Variants in LRRC8B observed in about 807,000 individuals in gnomAD.
LRRC8B encodes volume-regulated anion channel subunit LRRC8B.
A neutral mutation model predicts 58.8 loss-of-function variants in LRRC8B; 23 were observed. The observed-to-expected ratio is 0.39, with a 90% CI of 0.28 to 0.55. The LOEUF (loss-of-function observed/expected upper bound fraction) is 0.55. LRRC8B is among the 20% of genes least tolerant of loss of function. LRRC8B has a pLI of 0.62. For missense variants in LRRC8B, 694 were observed against 936.0 expected, an observed-to-expected ratio of 0.74 and a Z score of 3.37; for synonymous variants, 359 against 374.1, an observed-to-expected ratio of 0.96 and a Z score of 0.47.
chr1:89,564,592 C>T (rs1329107254), intron 1 of LRRC8B, among the ~76,000 whole-genome samples: 1 of 152,124 alleles, frequency 6.6e-6, no homozygotes, highest in Admixed American at 6.6e-5. Context: ...TTATCCTTCC[C>T]CTAACTCTAT....
rs201504233 is a variant in LRRC8B, at chr1:89,592,846, A to G, written c.2215A>G (p.Asn739Asp). ...CLLLGKNSLM[N>D]LSPHVGELSN... ...ACTTTTGGGGAAAAATAGCTTGATG[A>G]ATTTGTCCCCTCATGTGGGTGAGCT... Residue 739 changes from asparagine to aspartate, a missense_variant, in exon 6 of 6, where the codon AAT becomes GAT. Physicochemically the swap from Asn to Asp is conservative, Grantham distance 23. Coordinates refer to ENST00000330947, the MANE Select transcript of LRRC8B (RefSeq NM_001369817.2). 9.9e-6 allele frequency: 16 copies of G among 1,614,074 alleles called. No individual in the cohort carries two copies. The highest frequency in any genetic ancestry group is 1.7e-4 in the Middle Eastern group (1 of 6,058).
rs1317316569 is a variant in LRRC8B, at chr1:89,584,420, A to C, written c.1770A>C (p.Leu590=). The change falls in exon 5 of 6, where the codon CTA becomes CTC. Residue 590 remains leucine, a synonymous_variant. Transcript: ENST00000330947. The part of the protein sequence containing the change: ...NLKKMVNLKS[L]ELISCDLERI... Reference sequence around the variant, plus strand: ...AAAAGATGGTCAATCTGAAAAGCCTAGAACTGATCAGCTGTGACCTGGAAC... The same window carrying C: ...AAAAGATGGTCAATCTGAAAAGCCTCGAACTGATCAGCTGTGACCTGGAAC... 1 of 1,614,098 alleles carries C rather than the reference A, an allele frequency of 6.2e-7. No homozygotes were observed. Among genetic ancestry groups the C allele is most frequent in the African/African-American group, 1.3e-5 (1 of 74,934 alleles).
chr1:89,526,295 A>C (rs1034732577), intron 1 of LRRC8B, among the ~76,000 whole-genome samples: 1 of 151,812 alleles, frequency 6.6e-6, no homozygotes, highest in African/African-American at 2.4e-5. Context: ...GCTCACTGCA[A>C]CCTCCACCTC....
chr1:89,582,487 T>G, intron 4 of LRRC8B, 138 bp from the exon 5 acceptor site: 1 of 607,738 alleles, frequency 1.6e-6, no homozygotes, highest in South Asian at 2.0e-5. Flanking sequence ...TATGTGCCCC[T>G]TAATCAGCTC....
intron 3 of LRRC8B, among the ~76,000 whole-genome samples, chr1:89,579,017 T>C (rs558202095): frequency 2.6e-5 from 4 of 152,318 alleles, no homozygotes; most frequent in East Asian, 1.9e-4. Context: ...TATTAACTTA[T>C]CACTTTTTCT....
intron 3 of LRRC8B, among the ~76,000 whole-genome samples, chr1:89,578,080 G>C (rs1653977088): frequency 6.6e-6 from 1 of 152,082 alleles, no homozygotes; most frequent in Admixed American, 6.5e-5. Flanking sequence ...TAATTTCTAT[G>C]CATATAAACA....
Position 89,583,437 on chromosome 1 carries a change from A to T in LRRC8B, c.787A>T (p.Ile263Leu). 6.2e-7 allele frequency: 1 copy of T among 1,614,170 alleles called. No homozygotes were observed. The highest frequency in any genetic ancestry group is 2.2e-5 in the East Asian group (1 of 44,888). The change falls in exon 5 of 6, where the codon ATA (isoleucine) becomes TTA (leucine). Residue 263 changes from isoleucine (I) to leucine (L), a missense_variant. Around this residue, in one of 5 missense-constraint regions of LRRC8B, gnomAD observed 316 missense variants for 403.8 expected, o/e 0.78. Coordinates refer to ENST00000330947, the MANE Select transcript of LRRC8B (RefSeq NM_001369817.2). This position sits in a 1 kb window ranked among gnomAD's most constrained non-coding sequence, Gnocchi z 5.2. ...TTATAGAGTATATCTGAAACAGATA[A>T]TAGTCAAAGTCATTTTGTTTGTGCT... ...IIYRVYLKQIIVKVILFVLII... is the reference protein window; with the variant it reads ...IIYRVYLKQILVKVILFVLII...
intron 4 of LRRC8B, among the ~76,000 whole-genome samples, chr1:89,581,401 G>A (rs1013164769): frequency 6.6e-6 from 1 of 151,470 alleles, no homozygotes; most frequent in African/African-American, 2.4e-5. Context: ...AGAAACCCTT[G>A]AAAATAGATT....
chr1:89,577,578 C>A (rs534833336), intron 3 of LRRC8B, among the ~76,000 whole-genome samples: 6 of 152,082 alleles, frequency 3.9e-5, no homozygotes, highest in Non-Finnish European at 5.9e-5. Context: ...TATTAAATGG[C>A]ATAATGACAA....
chr1:89,541,628 G>A (rs1269361089), intron 1 of LRRC8B, among the ~76,000 whole-genome samples: 1 of 143,404 alleles, frequency 7.0e-6, no homozygotes, highest in African/African-American at 2.6e-5. Context: ...GGAGAATGGC[G>A]TGAACCCGGG....
chr1:89,572,444 G>T (rs1233206572), intron 3 of LRRC8B: 1 of 152,162 alleles, frequency 6.6e-6, no homozygotes, highest in African/African-American at 2.4e-5. Flanking sequence ...ATGTTTTCCA[G>T]GTTGGTTCCA....
Position 89,526,357 on chromosome 1 carries a change from G to A in LRRC8B, c.-241+1335G>A, listed in dbSNP as rs936223048. On this transcript the variant is annotated intron_variant, in intron 1 of 5. Coordinates refer to ENST00000330947, the MANE Select transcript of LRRC8B (RefSeq NM_001369817.2). ...AGCCTCCCGAGTAGCGGGGACTACAGGGGCCCGCCACCACGCCCAGCTAAT... is the reference window on the plus strand; with the variant it reads ...AGCCTCCCGAGTAGCGGGGACTACAAGGGCCCGCCACCACGCCCAGCTAAT... Among the ~76,000 whole-genome samples the A allele has an allele frequency of 2.0e-5, 3 of 152,334 alleles. No homozygotes were observed. In the East Asian group the frequency reaches 5.8e-4, roughly 29 times the overall value.
intron 5 of LRRC8B, among the ~76,000 whole-genome samples, chr1:89,585,563 G>C (rs1050972011): frequency 6.6e-6 from 1 of 152,166 alleles, no homozygotes; most frequent in African/African-American, 2.4e-5. Context: ...GGAAAACCTG[G>C]TCAGAAATCA....
At chr1:89,544,477 A>G (rs2100858394) in intron 1 of LRRC8B, among the ~76,000 whole-genome samples, 1 of 152,336 alleles carries the variant, frequency 6.6e-6, no homozygotes, top group Middle Eastern at 3.4e-3. Flanking sequence ...TTGCTAAGTC[A>G]TATTAATGTC....
chr1:89,571,148 G>A (rs928493440), intron 3 of LRRC8B, among the ~76,000 whole-genome samples: 2 of 152,104 alleles, frequency 1.3e-5, no homozygotes, highest in Admixed American at 6.6e-5. Context: ...GCAATGTGAT[G>A]CCTCCAGCTT....
rs1204800773 is a variant in LRRC8B, at chr1:89,559,603, CAA to C, written c.-240-8632_-240-8631del. Among the ~76,000 whole-genome samples, 734 of 131,296 alleles carry C rather than the reference CAA, an allele frequency of 5.6e-3. 23 individuals are homozygous for C. The South Asian group carries it at 0.095, about 17-fold the overall frequency. The allele number at this position is 131,296 out of a possible 152,430, so 86.1% of individuals were successfully genotyped here. A position where few individuals can be genotyped will look rare whatever the true frequency, so the allele number is the denominator to read the frequency against. ...TAAATGACAGAGTGAGACCCTGTCT[CAA>C]AAAAAAAAAAATATATATATATATA... On this transcript the variant is annotated intron_variant, in intron 1 of 5. Transcript: ENST00000330947.
At chr1:89,548,793 C>A (rs1570581431) in intron 1 of LRRC8B, among the ~76,000 whole-genome samples, 1 of 152,264 alleles carries the variant, frequency 6.6e-6, no homozygotes, top group South Asian at 2.1e-4. Context: ...AACTGGGAGC[C>A]TTTGTTGACA....
intron 1 of LRRC8B, among the ~76,000 whole-genome samples, chr1:89,531,030 G>C (rs561964966): frequency 6.6e-6 from 1 of 152,134 alleles, no homozygotes; most frequent in Non-Finnish European, 1.5e-5. Context: ...GAGCCTTGGG[G>C]GTTGAGCCAT....
chr1:89,531,334 A>C (rs1191270615), intron 1 of LRRC8B, among the ~76,000 whole-genome samples: 1 of 152,252 alleles, frequency 6.6e-6, no homozygotes, highest in African/African-American at 2.4e-5. Context: ...TTATGTGCAC[A>C]TGTATGCACA....
Sources: gnomAD v4.1 joint callset for allele counts (sites outside exome capture counted in the v4.1 genomes callset) on GRCh38, gnomAD v4.1.1 for gene constraint, gnomAD v4.1.1 regional missense constraint, Gnocchi (gnomAD v3.1) non-coding constraint, MANE v1.5 for transcripts, NCBI Gene and HGNC (gene_info 2026-07-23, HGNC 2026-07-21) for gene names.